Variants in CMTM7 observed in about 807,000 individuals in gnomAD.
CMTM7 encodes the protein CKLF like MARVEL transmembrane domain containing 7.
In CMTM7, 7 loss-of-function variants were observed where a neutral mutation model predicts 19.3. The observed-to-expected ratio is 0.36, with a 90% CI of 0.21 to 0.68. The LOEUF is 0.68. CMTM7 is among the 30% of genes least tolerant of loss of function. The pLI is 0.60. For missense variants in CMTM7, 193 were observed against 232.6 expected, an observed-to-expected ratio of 0.83 and a Z score of 1.11; for synonymous variants, 87 against 99.3, an observed-to-expected ratio of 0.88 and a Z score of 0.74.
chr3:32,441,846 C>T lies in CMTM7; in HGVS notation c.166C>T (p.Leu56=), dbSNP rs775643254. The change falls in exon 2 of 5, where the codon CTG becomes TTG. Residue 56 remains leucine, a synonymous_variant. Transcript: ENST00000334983. ...GTCTCTATTTATGTGGCAGGTCACC[C>T]TGCTGATTGCCTTCATCTGTGTGCG... ...ALLKVAQMVT[L]LIAFICVRSS... 1 of 1,613,984 alleles carries T rather than the reference C, an allele frequency of 6.2e-7. No homozygotes were observed. The highest frequency in any genetic ancestry group is 1.1e-5 in the South Asian group (1 of 91,066).
At chr3:32,401,842 G>A (rs1364972051) in intron 1 of CMTM7, among the ~76,000 whole-genome samples, 1 of 152,322 alleles carries the variant, frequency 6.6e-6, no homozygotes, top group East Asian at 1.9e-4. Flanking sequence ...GCCCAGCGCC[G>A]GCAGCAGCCC....
rs770015958 is a variant in CMTM7, at chr3:32,419,821, A to T, written c.160-22019A>T. On this transcript the variant is annotated intron_variant, in intron 1 of 4. Coordinates refer to ENST00000334983, the MANE Select transcript of CMTM7 (RefSeq NM_138410.4). Reference sequence around the variant, plus strand: ...TTTTGATAGCCTGGAGTTTCTCTGTAAGCTTGTTAATGACTCAACCCACTT... The same window carrying T: ...TTTTGATAGCCTGGAGTTTCTCTGTTAGCTTGTTAATGACTCAACCCACTT... Among the ~76,000 whole-genome samples, 53 of 152,264 alleles carry T rather than the reference A, an allele frequency of 3.5e-4. 1 individual carries two copies. The highest frequency in any genetic ancestry group is 2.6e-3 in the Admixed American group (40 of 15,294).
intron 2 of CMTM7, among the ~76,000 whole-genome samples, chr3:32,444,097 C>T (rs1163263408): frequency 1.3e-5 from 2 of 151,726 alleles, no homozygotes; most frequent in African/African-American, 4.8e-5. Flanking sequence ...TTTTTTAGCT[C>T]ACGCTTTTCT....
chr3:32,401,836 A>G (rs1037554796), intron 1 of CMTM7, among the ~76,000 whole-genome samples: 9 of 152,158 alleles, frequency 5.9e-5, no homozygotes, highest in African/African-American at 2.2e-4. Context: ...CTTCCAGCCC[A>G]GCGCCGGCAG....
At chr3:32,392,833 C>A (rs934715355) in intron 1 of CMTM7, among the ~76,000 whole-genome samples, 1 of 152,212 alleles carries the variant, frequency 6.6e-6, no homozygotes, top group Admixed American at 6.5e-5. Flanking sequence ...ACAAGGGCCT[C>A]CTACCAGGGC....
At chr3:32,437,434 T>A (rs1696613482) in intron 1 of CMTM7, among the ~76,000 whole-genome samples, 2 of 152,132 alleles carry the variant, frequency 1.3e-5, no homozygotes, top group East Asian at 3.9e-4. Context: ...CTGTCTCTAC[T>A]AAAAATATAA....
intron 3 of CMTM7, chr3:32,451,060 G>C (rs759926362): frequency 4.6e-5 from 7 of 152,178 alleles, no homozygotes; most frequent in Non-Finnish European, 1.0e-4. Context: ...GACAGTTGGG[G>C]ACCGGGATGG....
At chr3:32,433,258 G>A (rs111685768) in intron 1 of CMTM7, among the ~76,000 whole-genome samples, 6 of 152,278 alleles carry the variant, frequency 3.9e-5, no homozygotes, top group Non-Finnish European at 7.3e-5. Context: ...TTTCTAGCCC[G>A]AACTTTCTAA....
intron 3 of CMTM7, chr3:32,452,089 G>GC: frequency 7.1e-7 from 1 of 1,409,026 alleles, no homozygotes; most frequent in Non-Finnish European, 9.4e-7. Flanking sequence ...CATTGGCTTA[G>GC]CCCCAGCTTG....
rs35054129 is a variant in CMTM7, at chr3:32,430,681, A to ATGTGTGTGTGTGTGTGTGTGTGTGTG, written c.160-11150_160-11125dup. Among the ~76,000 whole-genome samples, 826 of 133,940 alleles carry ATGTGTGTGTGTGTGTGTGTGTGTGTG rather than the reference A, an allele frequency of 6.2e-3. 14 individuals are homozygous for ATGTGTGTGTGTGTGTGTGTGTGTGTG. The highest frequency in any genetic ancestry group is 7.6e-3 in the African/African-American group (270 of 35,468). The allele number at this position is 133,940 out of a possible 152,430, so 87.9% of individuals were successfully genotyped here. A position where few individuals can be genotyped will look rare whatever the true frequency, so the allele number is the denominator to read the frequency against. On this transcript the variant is annotated intron_variant, in intron 1 of 4. Coordinates refer to ENST00000334983, the MANE Select transcript of CMTM7 (RefSeq NM_138410.4). ...TCATTCTGGCCTGATCTACATCTGA[A>ATGTGTGTGTGTGTGTGTGTGTGTGTG]TGTGTGTGTGTGTGTGTGTGTGTGT...
chr3:32,434,784 T>TA lies in CMTM7; in HGVS notation c.160-7054dup, dbSNP rs143980980. On this transcript the variant is annotated intron_variant, in intron 1 of 4. Coordinates refer to ENST00000334983, the MANE Select transcript of CMTM7 (RefSeq NM_138410.4). ...TATATTTGCAATGTCTATAAGAGAC[T>TA]AAGTAAGTTAGTATTTAGAATATAA... is the stretch of plus-strand genomic sequence containing the variant. 5.9e-3 allele frequency among the ~76,000 whole-genome samples: 904 copies of TA among 152,228 alleles called. 5 individuals carry two copies. The highest frequency in any genetic ancestry group is 0.021 in the African/African-American group (864 of 41,546).
At chr3:32,392,845 G>A (rs948941503) in intron 1 of CMTM7, among the ~76,000 whole-genome samples, 27 of 152,348 alleles carry the variant, frequency 1.8e-4, no homozygotes, top group African/African-American at 6.3e-4. Context: ...TACCAGGGCA[G>A]ACGTTGCCTG....
chr3:32,415,195 AAAT>A (rs141290896), intron 1 of CMTM7, among the ~76,000 whole-genome samples: 21 of 151,426 alleles, frequency 1.4e-4, no homozygotes, highest in Non-Finnish European at 2.5e-4. Context: ...CTCTGTCTCA[AAAT>A]AATAATAATA....
chr3:32,422,694 C>G (rs1575116606), intron 1 of CMTM7, among the ~76,000 whole-genome samples: 1 of 152,248 alleles, frequency 6.6e-6, no homozygotes, highest in East Asian at 1.9e-4. Context: ...ACAGACACTT[C>G]TCAACTTATG....
intron 1 of CMTM7, 57 bp downstream of exon 1, chr3:32,392,122 G>A: frequency 8.3e-7 from 1 of 1,199,984 alleles, no homozygotes; most frequent in Non-Finnish European, 1.0e-6. Context: ...GGAAAGCAGG[G>A]GTCCGGGAGC....
At chr3:32,434,556 G>C (rs1696567578) in intron 1 of CMTM7, among the ~76,000 whole-genome samples, 1 of 149,518 alleles carries the variant, frequency 6.7e-6, no homozygotes, top group Non-Finnish European at 1.5e-5. Context: ...CCTCCTGCCT[G>C]TCTTGGCCTC....
At chr3:32,448,021 C>T (rs1344585302) in intron 2 of CMTM7, among the ~76,000 whole-genome samples, 1 of 152,012 alleles carries the variant, frequency 6.6e-6, no homozygotes, top group Non-Finnish European at 1.5e-5. Context: ...AGAACAAATT[C>T]CTCTGGGGCT....
intron 1 of CMTM7, among the ~76,000 whole-genome samples, chr3:32,416,257 G>C (rs985604038): frequency 2.6e-5 from 4 of 151,640 alleles, no homozygotes; most frequent in Admixed American, 2.0e-4. Flanking sequence ...GGAGTGCAAT[G>C]GTGCGATCTT....
At chr3:32,409,514 A>G (rs1696141682) in intron 1 of CMTM7, among the ~76,000 whole-genome samples, 1 of 152,196 alleles carries the variant, frequency 6.6e-6, no homozygotes, top group Non-Finnish European at 1.5e-5. Flanking sequence ...AGATTTTGCC[A>G]TTGACCCACT....
Sources: gnomAD v4.1 joint callset for allele counts (sites outside exome capture counted in the v4.1 genomes callset) on GRCh38, gnomAD v4.1.1 for gene constraint, MANE v1.5 for transcripts, NCBI Gene and HGNC (gene_info 2026-07-23, HGNC 2026-07-21) for gene names.